CTNND1: variants seen among roughly 807,000 people sequenced by gnomAD.
CTNND1 encodes catenin delta-1.
A neutral mutation model predicts 112.1 loss-of-function variants in CTNND1; 16 were observed. The ratio of observed to expected loss-of-function variants is 0.14; its 90% confidence interval spans 0.10 to 0.22. The LOEUF (loss-of-function observed/expected upper bound fraction) is 0.22, where lower values mean the gene tolerates loss of function less well. CTNND1 is among the 10% of genes least tolerant of loss of function. The pLI, the probability that CTNND1 is intolerant of heterozygous loss-of-function variation, is 1.00. For synonymous variants in CTNND1, 420 were observed against 446.5 expected (o/e 0.94, Z 0.75); for missense variants, 1,008 against 1,257.0 (o/e 0.80, Z 3.00).
intron 9 of CTNND1, 41 bp from the exon 10 acceptor site, chr11:57,805,841 T>G (rs751370941): frequency 6.3e-7 from 1 of 1,597,534 alleles, no homozygotes; most frequent in Non-Finnish European, 8.5e-7. Context: ...GAAATCACAA[T>G]AGACATTCTT....
At chr11:57,773,487 T>G (rs1213828501) in intron 1 of CTNND1, among the ~76,000 whole-genome samples, 18 of 151,656 alleles carry the variant, frequency 1.2e-4, no homozygotes, top group Admixed American at 1.0e-3. Context: ...TTTAAGCTCT[T>G]GTTGCCCAGG....
intron 12 of CTNND1, among the ~76,000 whole-genome samples, chr11:57,807,719 G>T (rs889488268): frequency 6.6e-6 from 1 of 151,738 alleles, no homozygotes; most frequent in Non-Finnish European, 1.5e-5. Flanking sequence ...GCTCTCCATG[G>T]ATATAAAAAT....
At chr11:57,796,278 C>T (rs1157826607) in intron 5 of CTNND1, among the ~76,000 whole-genome samples, 179 bp from the exon 6 acceptor site, 3 of 151,090 alleles carry the variant, frequency 2.0e-5, no homozygotes, top group Admixed American at 6.6e-5. Flanking sequence ...ACCAGCTACT[C>T]GGGAGGCTGA....
At chr11:57,792,450 CAT>C (rs1491219808) in intron 3 of CTNND1, among the ~76,000 whole-genome samples, 7 of 152,134 alleles carry the variant, frequency 4.6e-5, no homozygotes, top group African/African-American at 4.8e-5. Context: ...CGCACTCGCG[CAT>C]GTGTGTGTGT....
At chr11:57,809,829 C>T (rs2063120833) in intron 15 of CTNND1, among the ~76,000 whole-genome samples, 1 of 152,190 alleles carries the variant, frequency 6.6e-6, no homozygotes, top group African/African-American at 2.4e-5. Flanking sequence ...CCTGGCTCAG[C>T]CTCCTGAGTA....
At chr11:57,795,802 A>G (rs2061296778) in intron 5 of CTNND1, 73 bp downstream of exon 5, 2 of 1,415,944 alleles carry the variant, frequency 1.4e-6, no homozygotes, top group South Asian at 3.0e-5. Flanking sequence ...GGGGTTAAGC[A>G]CTTAATTAAG....
chr11:57,811,884 G>GT (rs1357340135), intron 17 of CTNND1, among the ~76,000 whole-genome samples: 1 of 152,090 alleles, frequency 6.6e-6, no homozygotes, highest in East Asian at 1.9e-4. Flanking sequence ...AAAACCACTT[G>GT]TATCTTTTAA....
chr11:57,778,597 G>A (rs1243072447), intron 1 of CTNND1, among the ~76,000 whole-genome samples: 1 of 152,228 alleles, frequency 6.6e-6, no homozygotes, highest in African/African-American at 2.4e-5. Flanking sequence ...CAGAGAGGAG[G>A]GTTGTTTTCC....
intron 4 of CTNND1, among the ~76,000 whole-genome samples, chr11:57,794,996 C>G (rs1315815483): frequency 2.6e-5 from 4 of 151,194 alleles, no homozygotes; most frequent in African/African-American, 4.9e-5. Flanking sequence ...CCCAGGAGTT[C>G]AAGACCAGCC....
chr11:57,775,797 C>T (rs539466998), intron 1 of CTNND1, among the ~76,000 whole-genome samples: 9 of 152,188 alleles, frequency 5.9e-5, no homozygotes, highest in Admixed American at 4.6e-4. Flanking sequence ...CGTGTATAGC[C>T]GCTTAAGGTT....
chr11:57,802,292 A>C, intron 7 of CTNND1, 96 bp downstream of exon 7: 1 of 1,141,956 alleles, frequency 8.8e-7, no homozygotes, highest in East Asian at 2.4e-5. Context: ...TTTTGATGAA[A>C]GGTTGTGAAC....
At position 57,788,941 on chromosome 11, in the gene CTNND1, T is replaced by C; in HGVS notation, c.-213-96T>C. Reference sequence around the variant, plus strand: ...AAGTCATATTTTAAATTACTTCCTTTCATTCCTAATATTGCCCCTTGCTCT... The same window carrying C: ...AAGTCATATTTTAAATTACTTCCTTCCATTCCTAATATTGCCCCTTGCTCT... On this transcript the variant is annotated intron_variant, in intron 1 of 20. Transcript: ENST00000399050. This position sits in a 1 kb window ranked among gnomAD's most constrained non-coding sequence, Gnocchi z 4.1. The C allele has an allele frequency of 1.1e-6, 1 of 882,036 alleles. No individual in the cohort carries two copies. Among genetic ancestry groups the C allele is most frequent in the South Asian group, 1.4e-5 (1 of 69,804 alleles). 54.6% of individuals were successfully genotyped at this position (882,036 alleles called of 1,614,324 possible).
At chr11:57,810,039 AG>A (rs2137452126) in intron 15 of CTNND1, 69 bp from the exon 16 acceptor site, 1 of 1,139,926 alleles carries the variant, frequency 8.8e-7, no homozygotes, top group East Asian at 2.6e-5. Flanking sequence ...ATGTTATTAG[AG>A]GATATAGGGT....
chr11:57,781,058 C>T (rs1342796068), intron 1 of CTNND1, among the ~76,000 whole-genome samples: 1 of 152,178 alleles, frequency 6.6e-6, no homozygotes, highest in Non-Finnish European at 1.5e-5. Flanking sequence ...CCTGCCTCAG[C>T]CTCCCGGGTA....
chr11:57,780,439 A>G (rs2059454912), intron 1 of CTNND1, among the ~76,000 whole-genome samples: 1 of 152,320 alleles, frequency 6.6e-6, no homozygotes, highest in Middle Eastern at 3.4e-3. Flanking sequence ...TTGGAATAAA[A>G]TAGGAGTTTT....
chr11:57,762,737 A>G (rs1381888705), intron 1 of CTNND1, among the ~76,000 whole-genome samples: 1 of 152,128 alleles, frequency 6.6e-6, no homozygotes, highest in Non-Finnish European at 1.5e-5. Context: ...AAAGAAAACA[A>G]ATGGAACCAT....
chr11:57,797,937 G>A (rs925870271), intron 6 of CTNND1, among the ~76,000 whole-genome samples: 1 of 151,058 alleles, frequency 6.6e-6, no homozygotes, highest in Non-Finnish European at 1.5e-5. Flanking sequence ...AGTTTTTGCT[G>A]TTTCTGGCTA....
chr11:57,785,262 G>A (rs2060007180), intron 1 of CTNND1, among the ~76,000 whole-genome samples: 1 of 152,148 alleles, frequency 6.6e-6, no homozygotes, highest in Non-Finnish European at 1.5e-5. Context: ...TGTGCGTCAA[G>A]ACATTTTTCT....
rs1306753221 is a variant in CTNND1, at chr11:57,818,983, T to C, written c.*2675T>C. 1.3e-5 allele frequency: 2 copies of C among 152,242 alleles called. No homozygotes were observed. Among genetic ancestry groups the C allele is most frequent in the Non-Finnish European group, 2.9e-5 (2 of 68,046 alleles). The allele number at this position is 152,242 out of a possible 1,614,324, so 9.4% of individuals were successfully genotyped here. On this transcript the variant is annotated 3_prime_UTR_variant, in exon 21 of 21. Coordinates refer to ENST00000399050, the MANE Select transcript of CTNND1 (RefSeq NM_001085458.2). ...GTCAGAAGTCAATAGGCCTATTTAT[T>C]AATATTTTACAGACCATATTACCTG...
Sources: gnomAD v4.1 joint callset for allele counts (sites outside exome capture counted in the v4.1 genomes callset) on GRCh38, gnomAD v4.1.1 for gene constraint, Gnocchi (gnomAD v3.1) non-coding constraint, MANE v1.5 for transcripts, NCBI Gene and HGNC (gene_info 2026-07-23, HGNC 2026-07-21) for gene names.